DZIP3: variants seen among roughly 807,000 people sequenced by gnomAD.
The protein encoded by DZIP3 is DAZ interacting zinc finger protein 3, also known as E3 ubiquitin-protein ligase DZIP3.
In DZIP3, 118 loss-of-function variants were observed where a neutral mutation model predicts 162.0. That is an observed-to-expected ratio of 0.73 (90% CI 0.63 to 0.85). The LOEUF (loss-of-function observed/expected upper bound fraction) is 0.85. Ranked by LOEUF, DZIP3 falls within the 40% of genes least tolerant of loss-of-function variation. The probability of loss-of-function intolerance (pLI) is 0.00; values close to 1 mark genes in which losing one functional copy is unlikely to be tolerated. For synonymous variants in DZIP3, 438 were observed against 458.6 expected (o/e 0.96, Z 0.57); for missense variants, 1,331 against 1,407.0 (o/e 0.95, Z 0.86).
chr3:108,601,008 T>C (rs1939982076), intron 1 of DZIP3, among the ~76,000 whole-genome samples: 1 of 152,246 alleles, frequency 6.6e-6, no homozygotes, highest in African/African-American at 2.4e-5. Flanking sequence ...AATGGATATC[T>C]GCATACTTTA....
At chr3:108,644,079 C>G in intron 13 of DZIP3, 85 bp from the exon 14 acceptor site, 1 of 1,442,544 alleles carries the variant, frequency 6.9e-7, no homozygotes, top group Non-Finnish European at 9.2e-7. Context: ...TTTTATCCTA[C>G]AGGAGCTTAG....
At chr3:108,674,785 G>A (rs960516476) in intron 24 of DZIP3, among the ~76,000 whole-genome samples, 2 of 151,560 alleles carry the variant, frequency 1.3e-5, no homozygotes, top group African/African-American at 4.8e-5. Flanking sequence ...AATCTCATGG[G>A]GTACACCAAA....
At chr3:108,645,463 G>T (rs144591938) in intron 14 of DZIP3, among the ~76,000 whole-genome samples, 47 of 152,262 alleles carry the variant, frequency 3.1e-4, no homozygotes, top group Middle Eastern at 3.4e-3. Flanking sequence ...GCAAGTGTTT[G>T]TATTGGCCAC....
intron 2 of DZIP3, 35 bp downstream of exon 2, chr3:108,605,473 G>A: frequency 1.9e-6 from 3 of 1,607,782 alleles, no homozygotes; most frequent in Non-Finnish European, 2.5e-6. Flanking sequence ...TTGGCACCAT[G>A]GACTGGTTTC....
intron 25 of DZIP3, 80 bp from the exon 26 acceptor site, chr3:108,677,417 A>G: frequency 8.2e-7 from 1 of 1,217,330 alleles, no homozygotes; most frequent in Admixed American, 1.7e-5. Context: ...TGTATTATTC[A>G]AAACTACATC....
At chr3:108,658,037 C>A (rs540760715) in intron 19 of DZIP3, among the ~76,000 whole-genome samples, 122 of 122,472 alleles carry the variant, frequency 1.0e-3, no homozygotes, top group Middle Eastern at 4.5e-3. Context: ...ACACAATAAT[C>A]ATGGGAGACT....
At chr3:108,632,157 A>G (rs1193326646) in intron 8 of DZIP3, among the ~76,000 whole-genome samples, 1 of 152,224 alleles carries the variant, frequency 6.6e-6, no homozygotes, top group Non-Finnish European at 1.5e-5. Flanking sequence ...GAAGGACCTT[A>G]TCTAATCATT....
intron 26 of DZIP3, 53 bp from the exon 27 acceptor site, chr3:108,684,163 A>C: frequency 6.5e-7 from 1 of 1,543,640 alleles, no homozygotes; most frequent in Non-Finnish European, 8.7e-7. Flanking sequence ...AAATAAATAT[A>C]TAAATATGTG....
intron 1 of DZIP3, among the ~76,000 whole-genome samples, chr3:108,592,705 C>CAAAA (rs59524030): frequency 1.6e-5 from 1 of 63,886 alleles, no homozygotes; most frequent in African/African-American, 4.8e-5. Flanking sequence ...GACCCTGTCT[C>CAAAA]AAAAAAAAAA....
At chr3:108,652,338 G>C (rs1280565208) in intron 18 of DZIP3, among the ~76,000 whole-genome samples, 1 of 151,782 alleles carries the variant, frequency 6.6e-6, no homozygotes, top group Non-Finnish European at 1.5e-5. Flanking sequence ...TTATTGAAGT[G>C]TTTTCAATCC....
chr3:108,663,649 A>G (rs900593570), intron 21 of DZIP3, among the ~76,000 whole-genome samples: 1 of 152,142 alleles, frequency 6.6e-6, no homozygotes, highest in African/African-American at 2.4e-5. Context: ...GTCATATAAT[A>G]TCAAAGATTA....
At chr3:108,642,300 G>C in intron 12 of DZIP3, 138 bp from the exon 13 acceptor site, 2 of 982,394 alleles carry the variant, frequency 2.0e-6, no homozygotes, top group Non-Finnish European at 1.4e-6. Flanking sequence ...AGCTCTATTT[G>C]TTCATTATTT....
At position 108,636,568 on chromosome 3, in the gene DZIP3, C is replaced by T. The variant is rs755221030; in HGVS notation, c.919-48C>T. 9.6e-6 allele frequency: 11 copies of T among 1,144,694 alleles called. No homozygotes were observed. The South Asian group carries it at 1.5e-4, about 16-fold the overall frequency. The allele number at this position is 1,144,694 out of a possible 1,614,324, so 70.9% of individuals were successfully genotyped here. On this transcript the variant is annotated intron_variant, in intron 10 of 32. Coordinates refer to ENST00000361582, the MANE Select transcript of DZIP3 (RefSeq NM_014648.4). The stretch of plus-strand genomic sequence containing the variant: ...TTATTTAAATATAATCAGATTTGCA[C>T]ATCAGTGATTTTTTTCTATTTTTAT...
In DZIP3 at chr3:108,674,158, C is replaced by G; in HGVS notation, c.2670C>G (p.Ala890=). The G allele has an allele frequency of 6.2e-7, 1 of 1,612,238 alleles. No homozygotes were observed. Among genetic ancestry groups the G allele is most frequent in the Non-Finnish European group, 8.5e-7 (1 of 1,178,866 alleles). The change falls in exon 24 of 33, where the codon GCC becomes GCG. Residue 890 remains alanine, a synonymous_variant. Coordinates refer to ENST00000361582, the MANE Select transcript of DZIP3 (RefSeq NM_014648.4). ...QTEKECLNQL[A]RVTHMAASNL... The stretch of plus-strand genomic sequence containing the variant: ...AAAAGGAATGTCTCAATCAGCTTGC[C>G]AGGGTGACTCACATGGCAGCAAGGT...
At chr3:108,605,491 A>G in intron 2 of DZIP3, 53 bp downstream of exon 2, 1 of 1,587,788 alleles carries the variant, frequency 6.3e-7, no homozygotes, top group South Asian at 1.1e-5. Flanking sequence ...TTCGTGGAAA[A>G]CAATTTTTCC....
intron 28 of DZIP3, 41 bp from the exon 29 acceptor site, chr3:108,687,935 G>A (rs1219866060): frequency 6.2e-7 from 1 of 1,612,262 alleles, no homozygotes. Context: ...AGGTACTAAG[G>A]AAAATCATTA....
chr3:108,628,131 C>T (rs1446003932), intron 7 of DZIP3, among the ~76,000 whole-genome samples: 1 of 152,170 alleles, frequency 6.6e-6, no homozygotes, highest in Non-Finnish European at 1.5e-5. Context: ...CCCACCTCGG[C>T]CTCCCAGAGT....
At position 108,631,525 on chromosome 3, in the gene DZIP3, C is replaced by T. The variant is rs565147689; in HGVS notation, c.697-1428C>T. Among the ~76,000 whole-genome samples, 9 of 150,176 alleles carry T rather than the reference C, an allele frequency of 6.0e-5. No homozygotes were observed. In the East Asian group the frequency reaches 7.8e-4, roughly 13 times the overall value. Reference sequence around the variant, plus strand: ...CCAAGTAGCTGGGACTACAGGCACACGCCACTGCACTTGGCTAATTTTTTA... The same window carrying T: ...CCAAGTAGCTGGGACTACAGGCACATGCCACTGCACTTGGCTAATTTTTTA... On this transcript the variant is annotated intron_variant, in intron 8 of 32. Transcript: ENST00000361582.
At chr3:108,643,224 C>T (rs1942476170) in intron 13 of DZIP3, among the ~76,000 whole-genome samples, 1 of 152,090 alleles carries the variant, frequency 6.6e-6, no homozygotes, top group Admixed American at 6.5e-5. Context: ...CACCAAATGC[C>T]ATTATATACT....
Sources: gnomAD v4.1 joint callset for allele counts (sites outside exome capture counted in the v4.1 genomes callset) on GRCh38, gnomAD v4.1.1 for gene constraint, MANE v1.5 for transcripts, NCBI Gene and HGNC (gene_info 2026-07-23, HGNC 2026-07-21) for gene names.